The following TERT variants were observed in gnomAD, a reference collection of about 807,000 sequenced individuals.
TERT encodes the protein telomerase catalytic subunit.
TERT carries 42 observed loss-of-function variants against 104.0 expected under a neutral mutation model. The ratio of observed to expected loss-of-function variants is 0.40; its 90% confidence interval spans 0.32 to 0.52. The LOEUF (loss-of-function observed/expected upper bound fraction) is 0.52. Among genes scored for constraint, TERT ranks in the 20% least tolerant of loss-of-function variants. The probability of loss-of-function intolerance (pLI) is 0.43; values close to 1 mark genes in which losing one functional copy is unlikely to be tolerated. For missense variants in TERT, 1,101 were observed against 1,610.3 expected, an observed-to-expected ratio of 0.68 and a Z score of 5.41; for synonymous variants, 781 against 725.6, an observed-to-expected ratio of 1.08 and a Z score of -1.23.
chr5:1,278,530 T>A (rs993760899), intron 6 of TERT, 111 bp downstream of exon 6: 3 of 1,467,302 alleles, frequency 2.0e-6, no homozygotes, highest in Admixed American at 3.3e-5. Flanking sequence ...GATGTGTAAA[T>A]CATGGAAGTA....
Position 1,255,345 on chromosome 5 carries a change from C to T in TERT, c.3099G>A (p.Leu1033=). The T allele has an allele frequency of 6.2e-7, 1 of 1,614,194 alleles. No homozygotes were observed. Among genetic ancestry groups the T allele is most frequent in the African/African-American group, 1.3e-5 (1 of 75,058 alleles). ...GGGAGGCCGTGTCAGAGATGACGCG[C>T]AGGAAAAATGTGGGGTTCTTCCAAA... The part of the protein sequence containing the change: ...QQVWKNPTFF[L]RVISDTASLC... Residue 1033 remains leucine (L), a synonymous_variant, in exon 14 of 16, where the codon CTG becomes CTA. Coordinates refer to ENST00000310581, the MANE Select transcript of TERT (RefSeq NM_198253.3). The surrounding 1 kb of genome is among the most constrained non-coding windows in gnomAD (Gnocchi z 6.9).
At chr5:1,291,519 A>G (rs1297682379) in intron 2 of TERT, among the ~76,000 whole-genome samples, 1 of 31,498 alleles carries the variant, frequency 3.2e-5, no homozygotes, top group African/African-American at 1.6e-4. Flanking sequence ...ACCCGGGGAC[A>G]GTGCCTCACT....
Position 1,293,398 on chromosome 5 carries a change from G to A in TERT, c.1488C>T (p.Ser496=), listed in dbSNP as rs1751116817. 2 of 1,613,194 alleles carry A rather than the reference G, an allele frequency of 1.2e-6. No homozygotes were observed. The highest frequency in any genetic ancestry group is 2.2e-5 in the East Asian group (1 of 44,886). The change falls in exon 2 of 16, where the codon TCC becomes TCT. Residue 496 remains serine, a synonymous_variant. Coordinates refer to ENST00000310581, the MANE Select transcript of TERT (RefSeq NM_198253.3). ...GCGAGAGCTTGGCATGCTTCCCCAGGGAGATGAACTTCTTGGTGTTCCTGA... is the reference window on the plus strand; with the variant it reads ...GCGAGAGCTTGGCATGCTTCCCCAGAGAGATGAACTTCTTGGTGTTCCTGA... ...RFLRNTKKFI[S]LGKHAKLSLQ...
chr5:1,264,592 C>T lies in TERT; in HGVS notation c.2655G>A (p.Arg885=), dbSNP rs754372863. ...PHLTHAKTFL[R]TLVRGVPEYG... is the part of the protein sequence containing the mutation. ...ACTCAGGGACACCTCGGACCAGGGT[C>T]CTAAGGCAGAGGGGCAATGTCAGCC... is the stretch of plus-strand genomic sequence containing the variant. The change falls in exon 11 of 16, where the codon AGG becomes AGA. Residue 885 remains arginine (R), a splice_region_variant and synonymous_variant. Transcript: ENST00000310581. 1.2e-6 allele frequency: 2 copies of T among 1,613,970 alleles called. No homozygotes were observed. Among genetic ancestry groups the T allele is most frequent in the Non-Finnish European group, 1.7e-6 (2 of 1,180,038 alleles).
At chr5:1,284,538 G>A (rs139996880) in intron 2 of TERT, among the ~76,000 whole-genome samples, 13,799 of 116,330 alleles carry the variant, frequency 0.12, 867 homozygotes, top group Middle Eastern at 0.19. Flanking sequence ...TCCAGACACC[G>A]CACATCCAGC....
In TERT at chr5:1,289,296, C is replaced by T. The variant is rs1210485302; in HGVS notation, c.1573+4017G>A. Among the ~76,000 whole-genome samples, 11 of 137,416 alleles carry T rather than the reference C, an allele frequency of 8.0e-5. No homozygotes were observed. In the South Asian group the frequency reaches 1.7e-3, roughly 22 times the overall value. 90.2% of individuals were successfully genotyped at this position (137,416 alleles called of 152,430 possible). ...ACCTGAGAGGGACACCCAGGGACGG[C>T]GCCTCACTCACCCTACACGTGACAG... is the stretch of plus-strand genomic sequence containing the variant. On this transcript the variant is annotated intron_variant, in intron 2 of 15. Transcript: ENST00000310581.
At chr5:1,278,070 T>C (rs1172644472) in intron 6 of TERT, among the ~76,000 whole-genome samples, 2 of 151,780 alleles carry the variant, frequency 1.3e-5, no homozygotes, top group Non-Finnish European at 2.9e-5. Context: ...GTCCTGGGGG[T>C]GCCAGGGGTC....
At position 1,255,006 on chromosome 5, in the gene TERT, C is replaced by T. The variant is rs1433255139; in HGVS notation, c.3157+281G>A. Reference sequence around the variant, plus strand: ...ACAGGAGAGGCCAGGCCCCCCAAATCCCACCATGGGGCAAACAGGAGAGAC... The same window carrying T: ...ACAGGAGAGGCCAGGCCCCCCAAATTCCACCATGGGGCAAACAGGAGAGAC... On this transcript the variant is annotated intron_variant, in intron 14 of 15. Transcript: ENST00000310581. This position sits in a 1 kb window ranked among gnomAD's most constrained non-coding sequence, Gnocchi z 6.9. Among the ~76,000 whole-genome samples the T allele has an allele frequency of 6.6e-6, 1 of 152,068 alleles. No homozygotes were observed. Among genetic ancestry groups the T allele is most frequent in the African/African-American group, 2.4e-5 (1 of 41,408 alleles).
intron 6 of TERT, among the ~76,000 whole-genome samples, chr5:1,272,515 G>A (rs1222725611): frequency 6.7e-6 from 1 of 148,488 alleles, no homozygotes; most frequent in Non-Finnish European, 1.5e-5. Context: ...TCAGACCCCT[G>A]TGACCGATCA....
chr5:1,277,611 G>A (rs1749694714), intron 6 of TERT, among the ~76,000 whole-genome samples: 1 of 149,290 alleles, frequency 6.7e-6, no homozygotes, highest in Non-Finnish European at 1.5e-5. Flanking sequence ...GATGTGGGGG[G>A]GGGTCTCCTG....
In TERT at chr5:1,265,087, C is replaced by T. The variant is rs889857547; in HGVS notation, c.2655-495G>A. Among the ~76,000 whole-genome samples, 4 of 152,224 alleles carry T rather than the reference C, an allele frequency of 2.6e-5. No homozygotes were observed. Among genetic ancestry groups the T allele is most frequent in the Admixed American group, 6.5e-5 (1 of 15,290 alleles). ...GGAGGGTTCTGAGTTCCTGCTCAGG[C>T]GCGGGACCTGGCTGGGCTGTGAGCT... is the stretch of plus-strand genomic sequence containing the variant. On this transcript the variant is annotated intron_variant, in intron 10 of 15. Transcript: ENST00000310581. The surrounding 1 kb of genome is among the most constrained non-coding windows in gnomAD (Gnocchi z 6.9).
chr5:1,277,642 C>T (rs1749698587), intron 6 of TERT, among the ~76,000 whole-genome samples: 1 of 147,918 alleles, frequency 6.8e-6, no homozygotes, highest in Non-Finnish European at 1.5e-5. Context: ...ACTTTCTACA[C>T]CCGGGCACAG....
At chr5:1,281,414 G>A (rs34989691) in intron 3 of TERT, among the ~76,000 whole-genome samples, 1 of 152,228 alleles carries the variant, frequency 6.6e-6, no homozygotes, top group Non-Finnish European at 1.5e-5. Flanking sequence ...AGGGACTCGA[G>A]TGTGCAGGGG....
At chr5:1,276,144 C>G (rs1204900684) in intron 6 of TERT, among the ~76,000 whole-genome samples, 1 of 149,312 alleles carries the variant, frequency 6.7e-6, no homozygotes, top group Non-Finnish European at 1.5e-5. Context: ...AAAACCAATT[C>G]ACAGATCCCC....
intron 7 of TERT, 85 bp downstream of exon 7, chr5:1,272,100 C>T (rs1489324745): frequency 8.7e-7 from 1 of 1,150,378 alleles, no homozygotes; most frequent in Admixed American, 2.0e-5. Context: ...GGCCAACAGT[C>T]TGTCCGGTCA....
At position 1,257,089 on chromosome 5, in the gene TERT, C is replaced by T. The variant is rs575864409; in HGVS notation, c.3032+1509G>A. ...CCTGACTCTGTGTTTGGAAACGGCC[C>T]GTGGCCCATCGCATCTCGGCCTCCT... is the stretch of plus-strand genomic sequence containing the variant. On this transcript the variant is annotated intron_variant, in intron 13 of 15. Transcript: ENST00000310581. The surrounding 1 kb of genome is among the most constrained non-coding windows in gnomAD (Gnocchi z 5.6). Among the ~76,000 whole-genome samples the T allele has an allele frequency of 4.6e-5, 7 of 152,222 alleles. No individual in the cohort carries two copies. Among genetic ancestry groups the T allele is most frequent in the Non-Finnish European group, 7.4e-5 (5 of 67,996 alleles).
At chr5:1,282,103 AAG>A (rs953550685) in intron 3 of TERT, among the ~76,000 whole-genome samples, 1 of 152,068 alleles carries the variant, frequency 6.6e-6, no homozygotes, top group Admixed American at 6.5e-5. Context: ...AGAAAAAAAA[AAG>A]AGAGAGAGAA....
At chr5:1,266,443 G>C in intron 10 of TERT, 21 bp downstream of exon 10, 6 of 1,599,198 alleles carry the variant, frequency 3.8e-6, no homozygotes, top group Non-Finnish European at 5.1e-6. Flanking sequence ...GGTCCCCACA[G>C]ACACACGGCA....
At position 1,269,410 on chromosome 5, in the gene TERT, G is replaced by C. The variant is rs371680322; in HGVS notation, c.2469-777C>G. Among the ~76,000 whole-genome samples, 5 of 152,210 alleles carry C rather than the reference G, an allele frequency of 3.3e-5. No individual in the cohort carries two copies. The East Asian group carries it at 9.6e-4, about 29-fold the overall frequency. Reference sequence around the variant, plus strand: ...GGATCACCTGAGGTCAGGAGTTCGAGACCAGCCTGGCCAACATGGCAAAAA... The same window carrying C: ...GGATCACCTGAGGTCAGGAGTTCGACACCAGCCTGGCCAACATGGCAAAAA... On this transcript the variant is annotated intron_variant, in intron 8 of 15. Transcript: ENST00000310581. The surrounding 1 kb of genome is among the most constrained non-coding windows in gnomAD (Gnocchi z 9.0).
Sources: allele counts gnomAD v4.1 joint callset (sites outside exome capture counted in the v4.1 genomes callset), GRCh38; gene constraint gnomAD v4.1.1; non-coding constraint Gnocchi (gnomAD v3.1); transcripts MANE v1.5; gene names NCBI Gene and HGNC (gene_info 2026-07-23, HGNC 2026-07-21).